Variants in MAMDC2 observed in about 807,000 individuals in gnomAD.
MAMDC2 encodes MAM domain-containing protein 2.
A neutral mutation model predicts 89.8 loss-of-function variants in MAMDC2; 57 were observed. The ratio of observed to expected loss-of-function variants is 0.63; its 90% confidence interval spans 0.51 to 0.79. MAMDC2 has a LOEUF of 0.79. Among genes scored for constraint, MAMDC2 ranks in the 30% least tolerant of loss-of-function variants. The probability of loss-of-function intolerance (pLI) is 0.00; values close to 1 mark genes in which losing one functional copy is unlikely to be tolerated. For synonymous variants in MAMDC2, 313 were observed against 293.4 expected (o/e 1.07, Z -0.68); for missense variants, 800 against 820.6 (o/e 0.97, Z 0.31).
chr9:70,109,771 T>C lies in MAMDC2; in HGVS notation c.472T>C (p.Phe158Leu). ...GQGNTASIAL[F>L]EIKMTTGYCI... ...GGGAAACACAGCCAGCATCGCACTA[T>C]TTGAAATCAAGATGACAACCGGCTA... Residue 158 changes from phenylalanine to leucine, a missense_variant, in exon 4 of 14, where the codon TTT (phenylalanine) becomes CTT (leucine). Phe to Leu is a conservative substitution (Grantham distance 22). Coordinates refer to ENST00000377182, the MANE Select transcript of MAMDC2 (RefSeq NM_153267.5). 1 of 1,614,044 alleles carries C rather than the reference T, an allele frequency of 6.2e-7. No individual in the cohort carries two copies. The highest frequency in any genetic ancestry group is 8.5e-7 in the Non-Finnish European group (1 of 1,179,902).
chr9:70,107,558 T>G (rs1158354984), intron 2 of MAMDC2, among the ~76,000 whole-genome samples: 1 of 152,178 alleles, frequency 6.6e-6, no homozygotes, highest in African/African-American at 2.4e-5. Context: ...CATTTATTTC[T>G]CAGAACTATG....
At chr9:70,128,484 G>A (rs949931917) in intron 6 of MAMDC2, among the ~76,000 whole-genome samples, 1 of 152,040 alleles carries the variant, frequency 6.6e-6, no homozygotes, top group African/African-American at 2.4e-5. Flanking sequence ...GGTCCTTATG[G>A]GACCATTACT....
intron 2 of MAMDC2, among the ~76,000 whole-genome samples, chr9:70,097,229 G>A (rs536633250): frequency 3.9e-5 from 6 of 152,152 alleles, no homozygotes; most frequent in Non-Finnish European, 8.8e-5. Flanking sequence ...CCCTATTAAG[G>A]TTCTCTGGAG....
At chr9:70,162,229 T>G (rs2031997970) in intron 9 of MAMDC2, among the ~76,000 whole-genome samples, 1 of 152,206 alleles carries the variant, frequency 6.6e-6, no homozygotes, top group Non-Finnish European at 1.5e-5. Flanking sequence ...ATACAGCCAG[T>G]GTTTAGTTCT....
At chr9:70,053,285 G>A (rs1382002709) in intron 2 of MAMDC2, among the ~76,000 whole-genome samples, 2 of 152,140 alleles carry the variant, frequency 1.3e-5, no homozygotes, top group South Asian at 2.1e-4. Flanking sequence ...GGGATTCTGA[G>A]GCTAAGAATA....
intron 11 of MAMDC2, among the ~76,000 whole-genome samples, chr9:70,204,851 G>T (rs917563221): frequency 6.6e-6 from 1 of 152,206 alleles, no homozygotes; most frequent in African/African-American, 2.4e-5. Context: ...TCTTTGACTT[G>T]GAAAGGGAAC....
At chr9:70,103,628 A>G (rs1587472907) in intron 2 of MAMDC2, among the ~76,000 whole-genome samples, 3 of 150,264 alleles carry the variant, frequency 2.0e-5, no homozygotes, top group African/African-American at 7.6e-5. Flanking sequence ...AAAACTAAAA[A>G]TAGAAAATTA....
chr9:70,076,017 G>A (rs541939574), intron 2 of MAMDC2, among the ~76,000 whole-genome samples: 101 of 152,336 alleles, frequency 6.6e-4, no homozygotes, highest in South Asian at 4.6e-3. Flanking sequence ...GTCCAGTGAC[G>A]TTACAAAGGC....
intron 4 of MAMDC2, among the ~76,000 whole-genome samples, chr9:70,110,385 C>T (rs1828476137): frequency 6.6e-6 from 1 of 152,156 alleles, no homozygotes; most frequent in Non-Finnish European, 1.5e-5. Context: ...GAAGGACAAG[C>T]TGTGCAGTGG....
chr9:70,194,893 C>T (rs1400668808), intron 11 of MAMDC2, among the ~76,000 whole-genome samples: 1 of 151,960 alleles, frequency 6.6e-6, no homozygotes, highest in African/African-American at 2.4e-5. Context: ...GAACCTTAGG[C>T]CAGTATTACC....
chr9:70,141,865 A>C (rs1176730326), intron 8 of MAMDC2, among the ~76,000 whole-genome samples: 1 of 152,170 alleles, frequency 6.6e-6, no homozygotes, highest in African/African-American at 2.4e-5. Context: ...TTGTTTGTAC[A>C]GATCCATTTT....
At chr9:70,108,073 T>C (rs1160223612) in intron 2 of MAMDC2, 138 bp from the exon 3 acceptor site, 1 of 764,152 alleles carries the variant, frequency 1.3e-6, no homozygotes, top group East Asian at 2.7e-5. Context: ...AGTGATCCAG[T>C]GTTCAGGCAA....
intron 6 of MAMDC2, among the ~76,000 whole-genome samples, chr9:70,127,070 A>G (rs2030585808): frequency 6.6e-6 from 1 of 152,194 alleles, no homozygotes. Flanking sequence ...TACTAACATT[A>G]AAGTTCTACT....
At chr9:70,168,343 T>C (rs891741689) in intron 9 of MAMDC2, among the ~76,000 whole-genome samples, 9 of 152,092 alleles carry the variant, frequency 5.9e-5, no homozygotes, top group Non-Finnish European at 1.3e-4. Flanking sequence ...AATACAAAAA[T>C]TATCTGGGCA....
At chr9:70,182,402 A>G (rs769301137) in intron 11 of MAMDC2, among the ~76,000 whole-genome samples, 61 of 152,034 alleles carry the variant, frequency 4.0e-4, no homozygotes, top group African/African-American at 2.7e-4. Flanking sequence ...CTCTTTTTCT[A>G]TTGCTTGGAA....
intron 11 of MAMDC2, among the ~76,000 whole-genome samples, chr9:70,207,036 A>G (rs1478009330): frequency 6.6e-6 from 1 of 152,164 alleles, no homozygotes; most frequent in East Asian, 1.9e-4. Flanking sequence ...TCATTGATGG[A>G]CATTTGGGTT....
chr9:70,179,250 C>T (rs540132520), intron 11 of MAMDC2, among the ~76,000 whole-genome samples: 43 of 152,150 alleles, frequency 2.8e-4, no homozygotes, highest in African/African-American at 8.7e-4. Flanking sequence ...TGGTGGCTCA[C>T]GCTTGTAATC....
intron 2 of MAMDC2, among the ~76,000 whole-genome samples, chr9:70,094,974 GCTAAGAC>G (rs1057504211): frequency 4.6e-5 from 7 of 152,186 alleles, no homozygotes; most frequent in Non-Finnish European, 1.0e-4. Flanking sequence ...GATATGTTAG[GCTAAGAC>G]CATAATGAAG....
At chr9:70,195,868 A>T (rs2032965457) in intron 11 of MAMDC2, among the ~76,000 whole-genome samples, 2 of 152,098 alleles carry the variant, frequency 1.3e-5, no homozygotes, top group Admixed American at 1.3e-4. Flanking sequence ...AAGAAAAAAC[A>T]ATTGTATGCT....
Sources: gnomAD v4.1 joint callset for allele counts (sites outside exome capture counted in the v4.1 genomes callset) on GRCh38, gnomAD v4.1.1 for gene constraint, MANE v1.5 for transcripts, NCBI Gene and HGNC (gene_info 2026-07-23, HGNC 2026-07-21) for gene names.